The following SLC25A21 variants were observed in gnomAD, a reference collection of about 807,000 sequenced individuals.
SLC25A21 encodes solute carrier family 25 member 21, also known as mitochondrial 2-oxodicarboxylate carrier.
SLC25A21 carries 47 observed loss-of-function variants against 43.8 expected under a neutral mutation model. The ratio of observed to expected loss-of-function variants is 1.07; its 90% CI spans 0.85 to 1.37. The LOEUF is 1.37. Ranked by LOEUF, SLC25A21 falls within the 40% of genes most tolerant of loss-of-function variation. The pLI is 0.00. For missense variants in SLC25A21, 352 were observed against 350.2 expected (o/e 1.00, Z -0.04); for synonymous variants, 131 against 121.3 (o/e 1.08, Z -0.52).
At chr14:36,992,307 C>T (rs549510102) in intron 1 of SLC25A21, among the ~76,000 whole-genome samples, 2 of 152,038 alleles carry the variant, frequency 1.3e-5, no homozygotes, top group African/African-American at 4.8e-5. Context: ...ACTCTGGAGG[C>T]TGAGGTGGGA....
chr14:37,019,080 A>C (rs1025662949), intron 1 of SLC25A21, among the ~76,000 whole-genome samples: 2 of 151,918 alleles, frequency 1.3e-5, no homozygotes, highest in Non-Finnish European at 2.9e-5. Context: ...AACAAAGGTC[A>C]TCTTGCATCA....
chr14:36,854,015 C>T (rs148005115), intron 2 of SLC25A21, among the ~76,000 whole-genome samples: 1 of 152,226 alleles, frequency 6.6e-6, no homozygotes, highest in East Asian at 1.9e-4. Context: ...ATCCATGTGA[C>T]CTGTGTACAT....
chr14:36,867,199 C>A lies in SLC25A21; in HGVS notation c.119+7757G>T, dbSNP rs185777282. Among the ~76,000 whole-genome samples the A allele has an allele frequency of 3.9e-5, 6 of 152,270 alleles. No homozygotes were observed. The East Asian group carries it at 1.2e-3, about 29-fold the overall frequency. ...TTCTTTCCCAATCCAGTCACTGAAA[C>A]TCCACCAGAGGCTTGTAATCTTTCG... On this transcript the variant is annotated intron_variant, in intron 2 of 9. Transcript: ENST00000331299.
At chr14:36,823,236 G>A (rs1888699862) in intron 2 of SLC25A21, among the ~76,000 whole-genome samples, 1 of 152,074 alleles carries the variant, frequency 6.6e-6, no homozygotes, top group Non-Finnish European at 1.5e-5. Flanking sequence ...ATCTAATAAT[G>A]TTAAACCACA....
At chr14:36,993,816 C>T (rs1051813576) in intron 1 of SLC25A21, among the ~76,000 whole-genome samples, 9 of 152,172 alleles carry the variant, frequency 5.9e-5, no homozygotes, top group African/African-American at 2.2e-4. Flanking sequence ...CTCATCAATC[C>T]CTTAAATGTG....
chr14:36,981,029 T>C lies in SLC25A21; in HGVS notation c.71-106025A>G, dbSNP rs147536109. Among the ~76,000 whole-genome samples, 2,268 of 150,810 alleles carry C rather than the reference T, an allele frequency of 0.015. 125 individuals carry two copies. In the East Asian group the frequency reaches 0.2, roughly 14 times the overall value. On this transcript the variant is annotated intron_variant, in intron 1 of 9. Coordinates refer to ENST00000331299, the MANE Select transcript of SLC25A21 (RefSeq NM_030631.4). Reference sequence around the variant, plus strand: ...AACCCATCAAAAAGTGGGCAAAGTATATGAACAGACACTTCTCAAAAGAAG... The same window carrying C: ...AACCCATCAAAAAGTGGGCAAAGTACATGAACAGACACTTCTCAAAAGAAG...
At position 36,757,545 on chromosome 14, in the gene SLC25A21, C is replaced by A. The variant is rs1885982636; in HGVS notation, c.204-22972G>T. 2.0e-5 allele frequency among the ~76,000 whole-genome samples: 3 copies of A among 152,132 alleles called. No homozygotes were observed. The East Asian group carries it at 5.8e-4, about 29-fold the overall frequency. On this transcript the variant is annotated intron_variant, in intron 3 of 9. Coordinates refer to ENST00000331299, the MANE Select transcript of SLC25A21 (RefSeq NM_030631.4). ...GAGGAATCATACTAAACAGATTAGTCCATTACTTGCCTTTTGTACTTAATT... is the reference window on the plus strand; with the variant it reads ...GAGGAATCATACTAAACAGATTAGTACATTACTTGCCTTTTGTACTTAATT...
chr14:37,029,758 C>CTTTTT (rs57538608), intron 1 of SLC25A21, among the ~76,000 whole-genome samples: 4 of 106,258 alleles, frequency 3.8e-5, no homozygotes, highest in South Asian at 2.9e-4. Context: ...TAATAGCCGA[C>CTTTTT]TTTTTTTTTT....
chr14:37,130,951 T>C (rs539718563), intron 1 of SLC25A21, among the ~76,000 whole-genome samples: 39 of 152,304 alleles, frequency 2.6e-4, no homozygotes, highest in Admixed American at 1.2e-3. Context: ...AGAGGGGATC[T>C]GGCCACTACA....
chr14:36,887,231 T>G (rs1890944114), intron 1 of SLC25A21, among the ~76,000 whole-genome samples: 1 of 147,328 alleles, frequency 6.8e-6, no homozygotes, highest in African/African-American at 2.5e-5. Flanking sequence ...TATATATATA[T>G]TCATTCAGAA....
intron 7 of SLC25A21, among the ~76,000 whole-genome samples, chr14:36,699,538 C>G (rs564294962): frequency 6.6e-6 from 1 of 152,342 alleles, no homozygotes; most frequent in East Asian, 1.9e-4. Flanking sequence ...TTTTATTCAG[C>G]TATGCCTTAC....
At chr14:37,019,949 A>C (rs1030803758) in intron 1 of SLC25A21, among the ~76,000 whole-genome samples, 1 of 152,004 alleles carries the variant, frequency 6.6e-6, no homozygotes, top group Admixed American at 6.6e-5. Context: ...CTGTAGTTCT[A>C]TCTCTCCTCA....
chr14:36,923,449 A>C lies in SLC25A21; in HGVS notation c.71-48445T>G, dbSNP rs191610095. ...ATACTAAAAGAAGTCCTACAACCAGAAGAAAAATGATATCAGATAGAAATT... is the reference window on the plus strand; with the variant it reads ...ATACTAAAAGAAGTCCTACAACCAGCAGAAAAATGATATCAGATAGAAATT... On this transcript the variant is annotated intron_variant, in intron 1 of 9. Transcript: ENST00000331299. Among the ~76,000 whole-genome samples, 335 of 152,328 alleles carry C rather than the reference A, an allele frequency of 2.2e-3. 1 individual carries two copies. Among genetic ancestry groups the C allele is most frequent in the African/African-American group, 7.2e-3 (301 of 41,590 alleles).
chr14:36,698,936 C>T (rs1186333733), intron 7 of SLC25A21, among the ~76,000 whole-genome samples: 1 of 152,172 alleles, frequency 6.6e-6, no homozygotes, highest in Admixed American at 6.5e-5. Flanking sequence ...TCGTCAAACT[C>T]ATTCTCCGTT....
chr14:36,834,069 A>G (rs566387518), intron 2 of SLC25A21, among the ~76,000 whole-genome samples: 1 of 152,324 alleles, frequency 6.6e-6, no homozygotes, highest in African/African-American at 2.4e-5. Flanking sequence ...ATCTTTTAAA[A>G]CGCTATAAGT....
chr14:37,122,145 T>C (rs755010199), intron 1 of SLC25A21, among the ~76,000 whole-genome samples: 45 of 152,340 alleles, frequency 3.0e-4, no homozygotes, highest in Admixed American at 8.5e-4. Flanking sequence ...CTAGAAACTT[T>C]TTTCTAAAGT....
chr14:36,682,655 G>T (rs1472047452), intron 9 of SLC25A21, among the ~76,000 whole-genome samples: 1 of 152,148 alleles, frequency 6.6e-6, no homozygotes, highest in African/African-American at 2.4e-5. Context: ...ACTCTGCGGT[G>T]AAGGAAAAAC....
intron 1 of SLC25A21, among the ~76,000 whole-genome samples, chr14:37,056,768 G>A (rs1216364836): frequency 2.0e-5 from 3 of 152,214 alleles, no homozygotes; most frequent in Non-Finnish European, 4.4e-5. Context: ...TTACATACAA[G>A]GGGCAAACGT....
chr14:37,040,276 A>AGGGAGGGAGGGAGGGAGGGAGGG (rs1961424864), intron 1 of SLC25A21, among the ~76,000 whole-genome samples: 1 of 5,482 alleles, frequency 1.8e-4, no homozygotes, highest in Non-Finnish European at 3.5e-4. Flanking sequence ...GGGAGGAAGG[A>AGGGAGGGAGGGAGGGAGGGAGGG]AGGAAGGAAG....
Sources: gnomAD v4.1 joint callset for allele counts (sites outside exome capture counted in the v4.1 genomes callset) on GRCh38, gnomAD v4.1.1 for gene constraint, MANE v1.5 for transcripts, NCBI Gene and HGNC (gene_info 2026-07-23, HGNC 2026-07-21) for gene names.